The following CSRNP3 variants were observed in gnomAD, a reference collection of about 807,000 sequenced individuals.
The protein encoded by CSRNP3 is cysteine/serine-rich nuclear protein 3.
A neutral mutation model predicts 48.0 loss-of-function variants in CSRNP3; 12 were observed. The observed-to-expected ratio is 0.25, with a 90% confidence interval of 0.16 to 0.41. The LOEUF (loss-of-function observed/expected upper bound fraction) is 0.41. CSRNP3 is among the 10% of genes least tolerant of loss of function. The pLI, the probability that CSRNP3 is intolerant of heterozygous loss-of-function variation, is 1.00. For missense variants in CSRNP3, 580 were observed against 724.4 expected (o/e 0.80, Z 2.29); for synonymous variants, 263 against 269.7 (o/e 0.98, Z 0.24).
chr2:165,518,614 T>G (rs1263573648), intron 3 of CSRNP3, among the ~76,000 whole-genome samples: 1 of 152,014 alleles, frequency 6.6e-6, no homozygotes, highest in South Asian at 2.1e-4. Context: ...AAGTTATAAA[T>G]GTAGGTTAAA....
intron 3 of CSRNP3, among the ~76,000 whole-genome samples, chr2:165,518,455 G>A (rs950516480): frequency 2.0e-5 from 3 of 151,874 alleles, no homozygotes; most frequent in Middle Eastern, 3.4e-3. Context: ...GTGTGGCTTC[G>A]ATAAAATGAC....
intron 4 of CSRNP3, among the ~76,000 whole-genome samples, chr2:165,597,544 T>C (rs977631689): frequency 5.9e-5 from 9 of 152,060 alleles, no homozygotes; most frequent in Non-Finnish European, 8.8e-5. Context: ...TTTAGTAGAA[T>C]CACTATATGA....
At chr2:165,612,196 C>T (rs1686148990) in intron 4 of CSRNP3, among the ~76,000 whole-genome samples, 1 of 151,950 alleles carries the variant, frequency 6.6e-6, no homozygotes, top group African/African-American at 2.4e-5. Flanking sequence ...CTCTAATTTT[C>T]AAAATTGTAT....
intron 3 of CSRNP3, among the ~76,000 whole-genome samples, chr2:165,587,598 C>T (rs1319065638): frequency 3.9e-5 from 6 of 152,168 alleles, no homozygotes; most frequent in Admixed American, 1.3e-4. Context: ...TGCAGAGCTC[C>T]AGAGAAGGAA....
At position 165,520,783 on chromosome 2, in the gene CSRNP3, TTATATATATATATA is replaced by T. The variant is rs869287628; in HGVS notation, c.-24+2853_-24+2866del. On this transcript the variant is annotated intron_variant, in intron 3 of 6. Transcript: ENST00000651982. ...TATAGAAATATATTATATATATATATTATATATATATATATATATATATATATATATATATATAT... is the reference window on the plus strand; with the variant it reads ...TATAGAAATATATTATATATATATATTATATATATATATATATATATATAT... Among the ~76,000 whole-genome samples, 163 of 29,696 alleles carry T rather than the reference TTATATATATATATA, an allele frequency of 5.5e-3. 3 individuals are homozygous for T. The highest frequency in any genetic ancestry group is 7.5e-3 in the Non-Finnish European group (143 of 19,148). 19.5% of individuals were successfully genotyped at this position (29,696 alleles called of 152,430 possible). A position where few individuals can be genotyped will look rare whatever the true frequency, so the allele number is the denominator to read the frequency against.
chr2:165,662,313 A>C (rs765922920), intron 5 of CSRNP3, among the ~76,000 whole-genome samples: 2 of 152,148 alleles, frequency 1.3e-5, no homozygotes, highest in African/African-American at 2.4e-5. Flanking sequence ...AACAAATCCA[A>C]TTCTATTTGG....
intron 5 of CSRNP3, among the ~76,000 whole-genome samples, chr2:165,660,933 T>C (rs1232229169): frequency 6.6e-6 from 1 of 152,196 alleles, no homozygotes; most frequent in Non-Finnish European, 1.5e-5. Context: ...TTAACCTCAC[T>C]GTGCTTAAAG....
At chr2:165,612,179 A>G (rs188940200) in intron 4 of CSRNP3, among the ~76,000 whole-genome samples, 386 of 151,988 alleles carry the variant, frequency 2.5e-3, no homozygotes, top group Non-Finnish European at 3.2e-3. Flanking sequence ...TTGGAAGCCA[A>G]TTAATTCTCT....
chr2:165,513,491 G>A (rs1250426919), intron 2 of CSRNP3, among the ~76,000 whole-genome samples: 4 of 152,094 alleles, frequency 2.6e-5, no homozygotes, highest in Admixed American at 2.6e-4. Flanking sequence ...CCCCAGCATT[G>A]GCAAAAGAGA....
At position 165,684,686 on chromosome 2, in the gene CSRNP3, A is replaced by C. The variant is rs1009188694; in HGVS notation, c.*4933A>C. The C allele has an allele frequency of 1.3e-5, 2 of 152,128 alleles. No homozygotes were observed. Among genetic ancestry groups the C allele is most frequent in the Non-Finnish European group, 2.9e-5 (2 of 67,998 alleles). 9.4% of individuals were successfully genotyped at this position (152,128 alleles called of 1,614,324 possible). A position where few individuals can be genotyped will look rare whatever the true frequency, so the allele number is the denominator to read the frequency against. On this transcript the variant is annotated 3_prime_UTR_variant, in exon 7 of 7. Transcript: ENST00000651982. ...CAAAATGCTGTAGCTCTGCACCAAC[A>C]GCACAGCTCATCAGATGTTTTCTAT...
At chr2:165,615,765 C>T (rs1005718797) in intron 4 of CSRNP3, among the ~76,000 whole-genome samples, 12 of 151,558 alleles carry the variant, frequency 7.9e-5, no homozygotes, top group African/African-American at 2.9e-4. Context: ...GACAGGGTCT[C>T]TCTCTGTCAC....
At chr2:165,471,308 T>G (rs535460820) in intron 1 of CSRNP3, among the ~76,000 whole-genome samples, 1 of 152,150 alleles carries the variant, frequency 6.6e-6, no homozygotes, top group South Asian at 2.1e-4. Flanking sequence ...TTGATGGATC[T>G]TTCCGATTTT....
chr2:165,668,101 A>G (rs1358312062), intron 5 of CSRNP3, among the ~76,000 whole-genome samples: 1 of 152,258 alleles, frequency 6.6e-6, no homozygotes, highest in Non-Finnish European at 1.5e-5. Flanking sequence ...GGAGATAAAC[A>G]TTAAATCAAT....
At chr2:165,665,788 A>G (rs1199896204) in intron 5 of CSRNP3, among the ~76,000 whole-genome samples, 1 of 149,884 alleles carries the variant, frequency 6.7e-6, no homozygotes, top group Non-Finnish European at 1.5e-5. Flanking sequence ...AGAGAGAGAG[A>G]GAGAGAGAGA....
At chr2:165,469,908 GTTCT>G (rs1683869892) in intron 1 of CSRNP3, among the ~76,000 whole-genome samples, 168 bp downstream of exon 1, 1 of 152,056 alleles carries the variant, frequency 6.6e-6, no homozygotes, top group Non-Finnish European at 1.5e-5. Flanking sequence ...TGAGCTTGCT[GTTCT>G]TTCTCTCTGC....
intron 3 of CSRNP3, among the ~76,000 whole-genome samples, chr2:165,529,918 G>T (rs2105242799): frequency 6.6e-6 from 1 of 152,300 alleles, no homozygotes; most frequent in East Asian, 1.9e-4. Flanking sequence ...TGATGTGTAT[G>T]AGAGTTAGCG....
At chr2:165,622,353 T>A (rs1430236967) in intron 4 of CSRNP3, among the ~76,000 whole-genome samples, 1 of 152,180 alleles carries the variant, frequency 6.6e-6, no homozygotes, top group Non-Finnish European at 1.5e-5. Flanking sequence ...CTAAAAATAA[T>A]ATACTAAAGA....
intron 5 of CSRNP3, among the ~76,000 whole-genome samples, chr2:165,669,847 C>T (rs1687300267): frequency 6.6e-6 from 1 of 152,102 alleles, no homozygotes; most frequent in Non-Finnish European, 1.5e-5. Context: ...TACATACACA[C>T]AGGGGCCTTG....
chr2:165,494,167 A>T (rs190106223), intron 1 of CSRNP3, among the ~76,000 whole-genome samples: 115 of 152,282 alleles, frequency 7.6e-4, no homozygotes, highest in African/African-American at 2.7e-3. Context: ...TCTCCTTGAC[A>T]TAGGACTCAA....
Sources: allele counts gnomAD v4.1 joint callset (sites outside exome capture counted in the v4.1 genomes callset), GRCh38; gene constraint gnomAD v4.1.1; transcripts MANE v1.5; gene names NCBI Gene and HGNC (gene_info 2026-07-23, HGNC 2026-07-21).